Variants in THRB observed in about 807,000 individuals in gnomAD.
THRB encodes nuclear receptor subfamily 1 group A member 2.
A neutral mutation model predicts 47.8 loss-of-function variants in THRB; 12 were observed. The ratio of observed to expected loss-of-function variants is 0.25; its 90% CI spans 0.16 to 0.41. The LOEUF is 0.41. Among genes scored for constraint, THRB ranks in the 10% least tolerant of loss-of-function variants. The probability of loss-of-function intolerance (pLI) is 1.00; values close to 1 mark genes in which losing one functional copy is unlikely to be tolerated. For missense variants in THRB, 348 were observed against 589.2 expected (o/e 0.59, Z 4.24); for synonymous variants, 218 against 212.2 (o/e 1.03, Z -0.24).
At chr3:24,160,131 C>T (rs980542795) in intron 5 of THRB, among the ~76,000 whole-genome samples, 9 of 152,076 alleles carry the variant, frequency 5.9e-5, no homozygotes, top group Non-Finnish European at 1.3e-4. Flanking sequence ...CAGGGTGTGG[C>T]TGGCAGTGGG....
intron 1 of THRB, among the ~76,000 whole-genome samples, chr3:24,366,714 G>A (rs558216588): frequency 2.7e-5 from 4 of 148,588 alleles, no homozygotes; most frequent in South Asian, 2.2e-4. Flanking sequence ...TCAGCCTCCC[G>A]GGTTCAAGCA....
intron 1 of THRB, among the ~76,000 whole-genome samples, chr3:24,472,237 T>C (rs1397901906): frequency 6.6e-6 from 1 of 152,178 alleles, no homozygotes; most frequent in Non-Finnish European, 1.5e-5. Context: ...TACTACTGTG[T>C]CTATACATGC....
At chr3:24,297,174 A>G (rs1030294212) in intron 3 of THRB, 52 bp downstream of exon 3, 5 of 152,242 alleles carry the variant, frequency 3.3e-5, no homozygotes, top group Admixed American at 6.5e-5. Context: ...AAATTTTTCC[A>G]TCAAAACAAC....
chr3:24,480,149 T>C (rs912053295), intron 1 of THRB, among the ~76,000 whole-genome samples: 4 of 152,098 alleles, frequency 2.6e-5, no homozygotes, highest in African/African-American at 9.7e-5. Flanking sequence ...TTTCTTTACC[T>C]CCCCCCTAAA....
At position 24,152,416 on chromosome 3, in the gene THRB, G is replaced by A. The variant is rs752495674; in HGVS notation, c.358C>T (p.Arg120Cys). 2 of 1,612,632 alleles carry A rather than the reference G, an allele frequency of 1.2e-6. No homozygotes were observed. Among genetic ancestry groups the A allele is most frequent in the African/African-American group, 1.3e-5 (1 of 74,980 alleles). ...CGDKATGYHY[R>C]CITCEGCKGF... is the part of the protein sequence containing the mutation. ...TTGCAGCCTTCACACGTGATACAGC[G>A]GTAGTGATACCCGGTGGCTTTGTCA... The change falls in exon 6 of 11, where the codon CGC becomes TGC. Residue 120 changes from arginine (R) to cysteine (C), a missense_variant. Arg to Cys is a radical substitution (Grantham distance 180). Coordinates refer to ENST00000646209, the MANE Select transcript of THRB (RefSeq NM_001354712.2).
In THRB at chr3:24,143,490, G is replaced by T. The variant is rs558310754; in HGVS notation, c.738+11C>A. ...ATATAAGTGAAACTGATCTGTGCAAGGAAGCCTTACCAGGAATTTCCGTTT... is the reference window on the plus strand; with the variant it reads ...ATATAAGTGAAACTGATCTGTGCAATGAAGCCTTACCAGGAATTTCCGTTT... On this transcript the variant is annotated intron_variant, in intron 8 of 10. Coordinates refer to ENST00000646209, the MANE Select transcript of THRB (RefSeq NM_001354712.2). The T allele has an allele frequency of 5.6e-6, 9 of 1,613,922 alleles. No individual in the cohort carries two copies. In the African/African-American group the frequency reaches 9.3e-5, roughly 17 times the overall value.
At position 24,128,292 on chromosome 3, in the gene THRB, C is replaced by T. The variant is rs2033252135; in HGVS notation, c.886-535G>A. The stretch of plus-strand genomic sequence containing the variant: ...GCAGAGATACATGTTGCCCATGAGG[C>T]CCAGAGATATAAGCTTCATCTAAAG... On this transcript the variant is annotated intron_variant, in intron 9 of 10. Transcript: ENST00000646209. Among the ~76,000 whole-genome samples, 3 of 152,106 alleles carry T rather than the reference C, an allele frequency of 2.0e-5. No homozygotes were observed. In the South Asian group the frequency reaches 6.2e-4, roughly 32 times the overall value.
chr3:24,387,768 G>A (rs1479599384), intron 1 of THRB, among the ~76,000 whole-genome samples: 3 of 152,088 alleles, frequency 2.0e-5, no homozygotes, highest in Non-Finnish European at 2.9e-5. Flanking sequence ...ATATAGCTCT[G>A]AGGTTGGGTC....
intron 3 of THRB, among the ~76,000 whole-genome samples, chr3:24,273,406 A>C (rs920327204): frequency 6.6e-6 from 1 of 152,204 alleles, no homozygotes; most frequent in Non-Finnish European, 1.5e-5. Context: ...GGAATATGAC[A>C]TTAATTAATA....
intron 1 of THRB, among the ~76,000 whole-genome samples, chr3:24,378,519 T>C (rs184518446): frequency 1.3e-5 from 2 of 152,084 alleles, no homozygotes; most frequent in African/African-American, 4.8e-5. Context: ...AAGTGAGAAA[T>C]GGAAATATGA....
In THRB at chr3:24,357,378, A is replaced by AAAAAAAAAAAC. The variant is rs1560011027; in HGVS notation, c.-260-20008_-260-20007insGTTTTTTTTTT. 4.5e-4 allele frequency among the ~76,000 whole-genome samples: 63 copies of AAAAAAAAAAAC among 141,270 alleles called. 2 individuals carry two copies. Among genetic ancestry groups the AAAAAAAAAAAC allele is most frequent in the African/African-American group, 1.7e-3 (58 of 33,704 alleles). 92.7% of individuals were successfully genotyped at this position (141,270 alleles called of 152,430 possible). On this transcript the variant is annotated intron_variant, in intron 1 of 10. Coordinates refer to ENST00000646209, the MANE Select transcript of THRB (RefSeq NM_001354712.2). ...AAAAAAAAAAAAAAAAAAAAAACAA[A>AAAAAAAAAAAC]AAACAAACAAACAAAAAAACACCAA...
At chr3:24,190,039 AAC>A in intron 5 of THRB, 33 bp downstream of exon 5, 1 of 1,609,296 alleles carries the variant, frequency 6.2e-7, no homozygotes, top group Non-Finnish European at 8.5e-7. Flanking sequence ...TTCTTGTTGA[AAC>A]ACATGATAAT....
intron 5 of THRB, among the ~76,000 whole-genome samples, chr3:24,186,420 G>A (rs2042577980): frequency 6.9e-6 from 1 of 145,854 alleles, no homozygotes; most frequent in Non-Finnish European, 1.5e-5. Flanking sequence ...AGGAAGTGTG[G>A]CATGGAAAGA....
intron 1 of THRB, among the ~76,000 whole-genome samples, chr3:24,483,522 A>C (rs1165122490): frequency 6.6e-6 from 1 of 151,946 alleles, no homozygotes; most frequent in East Asian, 1.9e-4. Flanking sequence ...ACATGTTAAT[A>C]ATGTGCTGAT....
chr3:24,354,530 T>TA (rs758321553), intron 1 of THRB, among the ~76,000 whole-genome samples: 2 of 152,138 alleles, frequency 1.3e-5, no homozygotes, highest in African/African-American at 2.4e-5. Flanking sequence ...TTCAACATCT[T>TA]AGAGTGTCTG....
intron 4 of THRB, among the ~76,000 whole-genome samples, chr3:24,223,000 T>C (rs963282121): frequency 2.0e-5 from 3 of 152,192 alleles, no homozygotes; most frequent in Non-Finnish European, 4.4e-5. Context: ...TGTCCATCTA[T>C]CTAAAGCCTC....
chr3:24,403,820 G>C (rs139649181), intron 1 of THRB, among the ~76,000 whole-genome samples: 185 of 152,094 alleles, frequency 1.2e-3, no homozygotes, highest in Admixed American at 7.5e-3. Flanking sequence ...AAAAGCACTT[G>C]TGTGACTGAT....
At position 24,413,336 on chromosome 3, in the gene THRB, G is replaced by A. The variant is rs148201389; in HGVS notation, c.-260-75965C>T. Reference sequence around the variant, plus strand: ...CAGGATAGGTGTAGTGGGCTGAAGGGTGGTCTCCCCAAAAATATGTCCACA... The same window carrying A: ...CAGGATAGGTGTAGTGGGCTGAAGGATGGTCTCCCCAAAAATATGTCCACA... On this transcript the variant is annotated intron_variant, in intron 1 of 10. Coordinates refer to ENST00000646209, the MANE Select transcript of THRB (RefSeq NM_001354712.2). 2.7e-3 allele frequency among the ~76,000 whole-genome samples: 408 copies of A among 151,788 alleles called. 3 individuals carry two copies. The highest frequency in any genetic ancestry group is 9.2e-3 in the African/African-American group (383 of 41,438).
intron 1 of THRB, among the ~76,000 whole-genome samples, chr3:24,435,195 G>A (rs2070817054): frequency 6.6e-6 from 1 of 152,106 alleles, no homozygotes; most frequent in Middle Eastern, 3.2e-3. Flanking sequence ...GCCATGCCAT[G>A]AAAAACAAGG....
Sources: gnomAD v4.1 joint callset for allele counts (sites outside exome capture counted in the v4.1 genomes callset) on GRCh38, gnomAD v4.1.1 for gene constraint, MANE v1.5 for transcripts, NCBI Gene and HGNC (gene_info 2026-07-23, HGNC 2026-07-21) for gene names.